CD163L1: variants seen among roughly 807,000 people sequenced by gnomAD.
CD163L1 encodes scavenger receptor cysteine-rich type 1 protein M160.
Under a neutral mutation model 165.4 loss-of-function variants are expected in CD163L1, and 124 were observed. That is an observed-to-expected ratio of 0.75 (90% CI 0.65 to 0.87). The LOEUF (loss-of-function observed/expected upper bound fraction) is 0.87, where lower values mean the gene tolerates loss of function less well. CD163L1 is among the 40% of genes least tolerant of loss of function. CD163L1 has a pLI of 0.00. For missense variants in CD163L1, 1,525 were observed against 1,799.9 expected (o/e 0.85, Z 2.76); for synonymous variants, 585 against 662.2 (o/e 0.88, Z 1.79).
Position 7,376,031 on chromosome 12 carries a change from CA to C in CD163L1, c.2372-18del, listed in dbSNP as rs759617634. ...GCCTGTGGGCTATAAAATAATATTT[CA>C]AAGGTTAGTTTTTAGGGTTTTCCAA... On this transcript the variant is annotated intron_variant, in intron 9 of 19. Coordinates refer to ENST00000313599, the MANE Select transcript of CD163L1 (RefSeq NM_174941.6). 4 of 1,602,660 alleles carry C rather than the reference CA, an allele frequency of 2.5e-6. No homozygotes were observed. The highest frequency in any genetic ancestry group is 3.4e-6 in the Non-Finnish European group (4 of 1,175,322).
chr12:7,426,945 TA>T (rs1014301290), intron 4 of CD163L1, among the ~76,000 whole-genome samples: 11 of 151,856 alleles, frequency 7.2e-5, no homozygotes, highest in African/African-American at 2.7e-4. Context: ...TCCAAAATTG[TA>T]AAAAGAAACA....
downstream of CD163L1, among the ~76,000 whole-genome samples, chr12:7,346,292 T>C (rs900780660): frequency 1.3e-5 from 2 of 152,160 alleles, no homozygotes; most frequent in African/African-American, 4.8e-5. Context: ...TTTTATTTTT[T>C]ATTTCTCCCC....
At chr12:7,346,617 AAT>A, downstream of CD163L1, 1 of 152,264 alleles carries the variant, frequency 6.6e-6, no homozygotes, top group East Asian at 1.9e-4. Flanking sequence ...GTGTTAAACA[AAT>A]TCAAGGAGAC....
chr12:7,358,357 T>C (rs1223812742), intron 18 of CD163L1, among the ~76,000 whole-genome samples: 3 of 152,244 alleles, frequency 2.0e-5, no homozygotes, highest in East Asian at 3.9e-4. Flanking sequence ...CTGTGCTTTC[T>C]ATCAGGAGGA....
Position 7,369,039 on chromosome 12 carries a change from G to A in CD163L1, c.4040-74C>T, listed in dbSNP as rs755083069. 7.6e-6 allele frequency: 11 copies of A among 1,444,924 alleles called. No homozygotes were observed. The highest frequency in any genetic ancestry group is 1.4e-5 in the African/African-American group (1 of 71,632). The allele number at this position is 1,444,924 out of a possible 1,614,324, so 89.5% of individuals were successfully genotyped here. ...GGGTATTTCTTTTTACATCTCCTGC[G>A]ATTATCGGATGTCATTTAAATATCC... On this transcript the variant is annotated intron_variant, in intron 15 of 19. Transcript: ENST00000313599. The surrounding 1 kb of genome is among the most constrained non-coding windows in gnomAD (Gnocchi z 4.9).
chr12:7,350,610 C>G (rs1257820734), downstream of CD163L1, among the ~76,000 whole-genome samples: 1 of 152,098 alleles, frequency 6.6e-6, no homozygotes, highest in Non-Finnish European at 1.5e-5. Flanking sequence ...GTAATACATA[C>G]TTAGGTGTGA....
In CD163L1 at chr12:7,368,529, CTT is replaced by C. The variant is rs56678924; in HGVS notation, c.4073-334_4073-333del. Among the ~76,000 whole-genome samples, 21 of 137,138 alleles carry C rather than the reference CTT, an allele frequency of 1.5e-4. No individual in the cohort carries two copies. Among genetic ancestry groups the C allele is most frequent in the Admixed American group, 1.5e-4 (2 of 13,642 alleles). The allele number at this position is 137,138 out of a possible 152,430, so 90.0% of individuals were successfully genotyped here. ...AGGGCTTGAGCTGAGCTGTTTCTTTCTTTTTTTTTTTTTTTTGAGATGGAGTC... is the reference window on the plus strand; with the variant it reads ...AGGGCTTGAGCTGAGCTGTTTCTTTCTTTTTTTTTTTTTTGAGATGGAGTC... On this transcript the variant is annotated intron_variant, in intron 16 of 19. Transcript: ENST00000313599. The surrounding 1 kb of genome is among the most constrained non-coding windows in gnomAD (Gnocchi z 4.3).
intron 2 of CD163L1, chr12:7,439,167 C>A (rs1157403242): frequency 3.8e-6 from 6 of 1,575,254 alleles, no homozygotes; most frequent in Non-Finnish European, 5.2e-6. Context: ...TCATTGTCAT[C>A]CTCCGGAAAG....
At chr12:7,381,068 GCTT>G (rs1241059442) in intron 8 of CD163L1, among the ~76,000 whole-genome samples, 53 of 151,890 alleles carry the variant, frequency 3.5e-4, no homozygotes, top group Non-Finnish European at 7.2e-4. Context: ...AATGGTATCA[GCTT>G]CTTTTCTATT....
downstream of CD163L1, among the ~76,000 whole-genome samples, chr12:7,354,753 C>A (rs1048944746): frequency 6.6e-6 from 1 of 152,134 alleles, no homozygotes; most frequent in African/African-American, 2.4e-5. Flanking sequence ...TGACTTCCCA[C>A]TGTACACTCA....
rs779790614 is a variant in CD163L1 at position 7,379,095 on chromosome 12, T to A, written c.2254A>T (p.Ile752Phe). ...EPHFTERTLH[I>F]LMSNSGCTGG... ...GTGCAGCCAGAATTCGACATTAAGATGTGTAATGTTCTTTCTGTGAAATGA... is the reference window on the plus strand; with the variant it reads ...GTGCAGCCAGAATTCGACATTAAGAAGTGTAATGTTCTTTCTGTGAAATGA... Residue 752 changes from isoleucine (I) to phenylalanine (F), a missense_variant, in exon 9 of 20, where the codon ATC (isoleucine) becomes TTC (phenylalanine). By Grantham distance (21) the Ile-to-Phe change is conservative. Coordinates refer to ENST00000313599, the MANE Select transcript of CD163L1 (RefSeq NM_174941.6). 4 of 1,614,102 alleles carry A rather than the reference T, an allele frequency of 2.5e-6. No homozygotes were observed. The African/African-American group carries it at 5.3e-5, about 22-fold the overall frequency.
intron 2 of CD163L1, among the ~76,000 whole-genome samples, chr12:7,440,384 G>A (rs1948813714): frequency 6.6e-6 from 1 of 151,630 alleles, no homozygotes; most frequent in African/African-American, 2.4e-5. Flanking sequence ...AAGCGGAAGT[G>A]GGTGCGGGAC....
At chr12:7,330,728 A>C in the CD163L1 span, among the ~76,000 whole-genome samples, 1 of 152,226 alleles carries the variant, frequency 6.6e-6, no homozygotes, top group Non-Finnish European at 1.5e-5. Flanking sequence ...GTTATATAGC[A>C]AGATTTGAGA....
At chr12:7,382,064 T>C (rs1195758268) in intron 8 of CD163L1, among the ~76,000 whole-genome samples, 1 of 148,144 alleles carries the variant, frequency 6.8e-6, no homozygotes, top group African/African-American at 2.4e-5. Context: ...TATATAATTA[T>C]TTTAAATATA....
At chr12:7,434,762 A>C (rs939934450) in intron 2 of CD163L1, among the ~76,000 whole-genome samples, 4 of 152,064 alleles carry the variant, frequency 2.6e-5, no homozygotes, top group Non-Finnish European at 5.9e-5. Flanking sequence ...GTACAATAGA[A>C]AAGGCTTCCC....
rs182578397 is a variant in CD163L1 at position 7,401,145 on chromosome 12, T to C, written c.1408+2390A>G. Among the ~76,000 whole-genome samples the C allele has an allele frequency of 4.9e-3, 740 of 152,272 alleles. 9 individuals are homozygous for C. Among genetic ancestry groups the C allele is most frequent in the African/African-American group, 0.017 (700 of 41,562 alleles). On this transcript the variant is annotated intron_variant, in intron 6 of 19. Coordinates refer to ENST00000313599, the MANE Select transcript of CD163L1 (RefSeq NM_174941.6). ...TAGGTGAGTGACCTGGGTGAGTTAC[T>C]TTCTCTCAGTACCTCTATTTCCTCA...
intron 4 of CD163L1, among the ~76,000 whole-genome samples, chr12:7,421,385 GATAT>G (rs1198987323): frequency 1.3e-4 from 10 of 77,332 alleles, no homozygotes; most frequent in African/African-American, 6.8e-4. Context: ...ACATTTGGAA[GATAT>G]ATATGTATAT....
rs888867463 is a variant in CD163L1 at position 7,386,456 on chromosome 12, C to T, written c.2051-7158G>A. Reference sequence around the variant, plus strand: ...AAAATCAAAGAGGAGGGCATTCTTCCTAACTCATCCTAGGAGGCCAGTATT... The same window carrying T: ...AAAATCAAAGAGGAGGGCATTCTTCTTAACTCATCCTAGGAGGCCAGTATT... On this transcript the variant is annotated intron_variant, in intron 8 of 19. Transcript: ENST00000313599. Among the ~76,000 whole-genome samples the T allele has an allele frequency of 2.0e-5, 3 of 151,950 alleles. No homozygotes were observed. The South Asian group carries it at 6.2e-4, about 32-fold the overall frequency.
intron 8 of CD163L1, among the ~76,000 whole-genome samples, chr12:7,391,053 C>T (rs753865741): frequency 1.8e-4 from 28 of 152,258 alleles, no homozygotes; most frequent in African/African-American, 2.6e-4. Context: ...ACTGAGCCTC[C>T]GCTGTTGATA....
Sources: gnomAD v4.1 joint callset for allele counts (sites outside exome capture counted in the v4.1 genomes callset) on GRCh38, gnomAD v4.1.1 for gene constraint, Gnocchi (gnomAD v3.1) non-coding constraint, MANE v1.5 for transcripts, NCBI Gene and HGNC (gene_info 2026-07-23, HGNC 2026-07-21) for gene names.